EPS15L1: variants seen among roughly 807,000 people sequenced by gnomAD.
The protein encoded by EPS15L1 is epidermal growth factor receptor substrate 15-like 1.
In EPS15L1, 43 loss-of-function variants were observed where a neutral mutation model predicts 117.1. That is an observed-to-expected ratio of 0.37 (90% CI 0.29 to 0.47). The LOEUF is 0.47. Ranked by LOEUF, EPS15L1 falls within the 20% of genes least tolerant of loss-of-function variation. EPS15L1 has a pLI of 0.99. For missense variants in EPS15L1, 981 were observed against 1,164.0 expected (o/e 0.84, Z 2.29); for synonymous variants, 459 against 470.5 (o/e 0.98, Z 0.32).
intron 1 of EPS15L1, among the ~76,000 whole-genome samples, chr19:16,450,215 C>T (rs2093126454): frequency 6.6e-6 from 1 of 152,148 alleles, no homozygotes; most frequent in African/African-American, 2.4e-5. Context: ...CTACTGCACT[C>T]CAGCCTGGGC....
chr19:16,396,007 T>C (rs936071863), intron 16 of EPS15L1, among the ~76,000 whole-genome samples: 1 of 150,694 alleles, frequency 6.6e-6, no homozygotes, highest in African/African-American at 2.4e-5. Flanking sequence ...ACTTGGGAGG[T>C]TGACTCAGGA....
At position 16,421,430 on chromosome 19, in the gene EPS15L1, T is replaced by A; in HGVS notation, c.839A>T (p.Asp280Val). The A allele has an allele frequency of 6.2e-7, 1 of 1,614,008 alleles. No individual in the cohort carries two copies. The highest frequency in any genetic ancestry group is 8.5e-7 in the Non-Finnish European group (1 of 1,179,856). Residue 280 changes from aspartate (D) to valine (V), a missense_variant, in exon 10 of 24, where the codon GAT becomes GTT. Physicochemically the swap from Asp to Val is radical, Grantham distance 152. Transcript: ENST00000455140. ...CAGGTCGGTCTTCAGGAATATCTCA[T>A]CAAATCGCATCTTGTCTGCCACGGG... ...VVPVADKMRF[D>V]EIFLKTDLDL...
At chr19:16,428,782 T>C (rs1201877916) in intron 7 of EPS15L1, 21 bp from the exon 8 acceptor site, 3 of 1,593,258 alleles carry the variant, frequency 1.9e-6, no homozygotes, top group East Asian at 2.2e-5. Context: ...GAGACCAGCA[T>C]GGGTAACTGT....
At chr19:16,454,288 C>T (rs1045158891) in intron 1 of EPS15L1, among the ~76,000 whole-genome samples, 2 of 152,148 alleles carry the variant, frequency 1.3e-5, no homozygotes, top group African/African-American at 2.4e-5. Flanking sequence ...CAATCTTCAT[C>T]AGCTTGCTAA....
rs751582706 is a variant in EPS15L1 at position 16,425,188 on chromosome 19, G to A, written c.687C>T (p.Ser229=). Residue 229 remains serine (S), a synonymous_variant, in exon 9 of 24, where the codon AGC becomes AGT. Transcript: ENST00000455140. ...FPGAVPVLPA[S]PPPKDSLRST... Reference sequence around the variant, plus strand: ...AGCGGAGGCTGTCTTTTGGTGGGGGGCTGGCAGGCAGGACGGGGACGGCGC... The same window carrying A: ...AGCGGAGGCTGTCTTTTGGTGGGGGACTGGCAGGCAGGACGGGGACGGCGC... 2.3e-5 allele frequency: 37 copies of A among 1,613,102 alleles called. No homozygotes were observed. The highest frequency in any genetic ancestry group is 3.1e-5 in the Non-Finnish European group (36 of 1,179,392).
Position 16,471,859 on chromosome 19 carries a change from G to A in EPS15L1, c.33+54C>T. ...CCCAGCGCCTCAGCCTCGCCGCACC[G>A]CTCGCCTCGCGCCCCGCACCCCGGC... On this transcript the variant is annotated intron_variant, in intron 1 of 23. Coordinates refer to ENST00000455140, the MANE Select transcript of EPS15L1 (RefSeq NM_001258374.3). The surrounding 1 kb of genome is among the most constrained non-coding windows in gnomAD (Gnocchi z 4.8). 2.7e-6 allele frequency: 3 copies of A among 1,106,206 alleles called. No homozygotes were observed. Among genetic ancestry groups the A allele is most frequent in the South Asian group, 2.3e-5 (1 of 42,926 alleles). 68.5% of individuals were successfully genotyped at this position (1,106,206 alleles called of 1,614,324 possible).
rs147195288 is a variant in EPS15L1, at chr19:16,445,705, G to T, written c.34-3486C>A. Among the ~76,000 whole-genome samples, 8 of 152,318 alleles carry T rather than the reference G, an allele frequency of 5.3e-5. No homozygotes were observed. In the East Asian group the frequency reaches 1.5e-3, roughly 29 times the overall value. On this transcript the variant is annotated intron_variant, in intron 1 of 23. Transcript: ENST00000455140. ...GCTACTGGGAAAGAGCCCTCTGTAT[G>T]CTGAGAGCAGCCTCTGGAGCTGCCC...
intron 22 of EPS15L1, among the ~76,000 whole-genome samples, chr19:16,367,189 CATCCTGGCACCTGGTTCGATGCCATCA>C (rs1250445880): frequency 6.6e-6 from 1 of 151,222 alleles, no homozygotes; most frequent in Non-Finnish European, 1.5e-5. Flanking sequence ...TGCCAGGCAT[CATCCTGGCACCTGGTTCGATGCCATCA>C]ATCCTAGATA....
chr19:16,403,595 G>T, intron 15 of EPS15L1, 138 bp downstream of exon 15: 1 of 826,328 alleles, frequency 1.2e-6, no homozygotes, highest in South Asian at 1.6e-5. Flanking sequence ...TGCGCCTCCA[G>T]GCCAGCACCA....
At chr19:16,362,539 T>TC (rs1240065867) in intron 22 of EPS15L1, among the ~76,000 whole-genome samples, 8 of 139,662 alleles carry the variant, frequency 5.7e-5, no homozygotes, top group Non-Finnish European at 9.4e-5. Flanking sequence ...TTTTTTTTTT[T>TC]CAGAGACAGA....
At chr19:16,362,809 CTTAAG>C (rs905238823) in intron 22 of EPS15L1, among the ~76,000 whole-genome samples, 2 of 152,144 alleles carry the variant, frequency 1.3e-5, no homozygotes, top group African/African-American at 4.8e-5. Context: ...TGCACCTGGC[CTTAAG>C]TTCTTTTTTA....
Position 16,385,170 on chromosome 19 carries a change from T to A in EPS15L1, c.2206A>T (p.Asn736Tyr). Residue 736 changes from asparagine to tyrosine, a missense_variant, in exon 21 of 24, where the codon AAT (asparagine) becomes TAT (tyrosine). Asn to Tyr is a moderately radical substitution (Grantham distance 143). Coordinates refer to ENST00000455140, the MANE Select transcript of EPS15L1 (RefSeq NM_001258374.3). ...AAGTCGGCAAAGCCTTCAGCACTAT[T>A]GAAGGACCCACTTCCGAAGGGATCT... Reference protein sequence around the residue: ...TLDPFGSGSFNSAEGFADFSQ... With the variant: ...TLDPFGSGSFYSAEGFADFSQ... The A allele has an allele frequency of 1.9e-6, 3 of 1,614,178 alleles. No homozygotes were observed. The highest frequency in any genetic ancestry group is 2.5e-6 in the Non-Finnish European group (3 of 1,180,034).
chr19:16,468,324 G>A (rs766278173), intron 1 of EPS15L1, among the ~76,000 whole-genome samples: 1 of 152,138 alleles, frequency 6.6e-6, no homozygotes, highest in East Asian at 1.9e-4. Flanking sequence ...AGGTGGAGTC[G>A]ATTCAGGGCT....
At chr19:16,460,629 GGA>G (rs1249308423) in intron 1 of EPS15L1, among the ~76,000 whole-genome samples, 1 of 152,206 alleles carries the variant, frequency 6.6e-6, no homozygotes, top group Non-Finnish European at 1.5e-5. Context: ...CAGCAATTGT[GGA>G]GCCTGCTCCT....
At chr19:16,445,211 A>G (rs2093071729) in intron 1 of EPS15L1, among the ~76,000 whole-genome samples, 1 of 152,262 alleles carries the variant, frequency 6.6e-6, no homozygotes, top group African/African-American at 2.4e-5. Flanking sequence ...AATCCAGAAG[A>G]GTCGCTGAAG....
chr19:16,444,108 C>T (rs1430160326), intron 1 of EPS15L1, among the ~76,000 whole-genome samples: 1 of 132,602 alleles, frequency 7.5e-6, no homozygotes, highest in Non-Finnish European at 1.6e-5. Context: ...GAGAAAACTA[C>T]CATGACAAAA....
At chr19:16,397,338 C>T (rs910320164) in intron 16 of EPS15L1, among the ~76,000 whole-genome samples, 3 of 152,194 alleles carry the variant, frequency 2.0e-5, no homozygotes, top group Admixed American at 1.3e-4. Context: ...AATCCACCCC[C>T]CTCGGCCTCC....
In EPS15L1 at chr19:16,356,264, C is replaced by T. The variant is rs144278486; in HGVS notation, c.2587-413G>A. ...GGGAATGTGGTATTTCTACCTCCAG[C>T]CATGCTCCAGAGAGCTCTGAGACCC... On this transcript the variant is annotated intron_variant, in intron 23 of 23. Transcript: ENST00000455140. The T allele has an allele frequency of 9.1e-4, 183 of 200,094 alleles. 1 individual carries two copies. Among genetic ancestry groups the T allele is most frequent in the South Asian group, 3.9e-3 (32 of 8,102 alleles). The allele number at this position is 200,094 out of a possible 1,614,324, so 12.4% of individuals were successfully genotyped here.
intron 10 of EPS15L1, among the ~76,000 whole-genome samples, chr19:16,419,587 G>A (rs990082804): frequency 4.6e-5 from 7 of 152,134 alleles, no homozygotes; most frequent in African/African-American, 1.4e-4. Context: ...GAGGGACCTC[G>A]TTTCCCACCT....
Sources: gnomAD v4.1 joint callset for allele counts (sites outside exome capture counted in the v4.1 genomes callset) on GRCh38, gnomAD v4.1.1 for gene constraint, Gnocchi (gnomAD v3.1) non-coding constraint, MANE v1.5 for transcripts, NCBI Gene and HGNC (gene_info 2026-07-23, HGNC 2026-07-21) for gene names.